Variants in SREK1IP1 observed in about 807,000 individuals in gnomAD.
SREK1IP1 encodes SREK1 interacting protein 1.
Under a neutral mutation model 22.8 loss-of-function variants are expected in SREK1IP1, and 12 were observed. That is an observed-to-expected ratio of 0.53 (90% CI 0.34 to 0.85). SREK1IP1 has a LOEUF of 0.85. Among genes scored for constraint, SREK1IP1 ranks in the 40% least tolerant of loss-of-function variants. The pLI, the probability that SREK1IP1 is intolerant of heterozygous loss-of-function variation, is 0.02. For missense variants in SREK1IP1, 147 were observed against 171.8 expected, an observed-to-expected ratio of 0.86 and a Z score of 0.81; for synonymous variants, 53 against 52.7, an observed-to-expected ratio of 1.01 and a Z score of -0.02.
chr5:64,764,193 T>C (rs900552064), intron 1 of SREK1IP1, among the ~76,000 whole-genome samples: 44 of 152,324 alleles, frequency 2.9e-4, no homozygotes, highest in African/African-American at 9.6e-4. Context: ...CGAGTCTGTG[T>C]TGGGCTGCAT....
At chr5:64,736,715 G>T (rs939052896) in intron 3 of SREK1IP1, among the ~76,000 whole-genome samples, 7 of 151,792 alleles carry the variant, frequency 4.6e-5, no homozygotes, top group Admixed American at 6.6e-5. Context: ...CGCCTACCTC[G>T]GCCTCCCAAA....
At chr5:64,750,296 G>C (rs1742719263) in intron 2 of SREK1IP1, among the ~76,000 whole-genome samples, 2 of 152,022 alleles carry the variant, frequency 1.3e-5, no homozygotes, top group South Asian at 4.1e-4. Flanking sequence ...ATCTGTTTTT[G>C]ATTCTCATTA....
rs1176251683 is a variant in SREK1IP1 at position 64,719,544 on chromosome 5, A to C, written c.*4840T>G. On this transcript the variant is annotated 3_prime_UTR_variant, in exon 5 of 5. Transcript: ENST00000513458. Reference sequence around the variant, plus strand: ...TTTGCTATCTTTACAGTAATTTAATAATATTACCATATTGTCTCAGGTGAA... The same window carrying C: ...TTTGCTATCTTTACAGTAATTTAATCATATTACCATATTGTCTCAGGTGAA... 1 of 152,182 alleles carries C rather than the reference A, an allele frequency of 6.6e-6. No homozygotes were observed. Among genetic ancestry groups the C allele is most frequent in the African/African-American group, 2.4e-5 (1 of 41,446 alleles). 9.4% of individuals were successfully genotyped at this position (152,182 alleles called of 1,614,324 possible). A position where few individuals can be genotyped will look rare whatever the true frequency, so the allele number is the denominator to read the frequency against.
Position 64,723,779 on chromosome 5 carries a change from T to C in SREK1IP1, c.*605A>G, listed in dbSNP as rs1057284689. 1.3e-5 allele frequency: 2 copies of C among 152,590 alleles called. No individual in the cohort carries two copies. The highest frequency in any genetic ancestry group is 4.8e-5 in the African/African-American group (2 of 41,454). The allele number at this position is 152,590 out of a possible 1,614,324, so 9.5% of individuals were successfully genotyped here. ...AAGAGTAAAACTTTGTTAGAGATAT[T>C]TTCATGATCATCTACCTGCAGACAC... On this transcript the variant is annotated 3_prime_UTR_variant, in exon 5 of 5. Transcript: ENST00000513458.
At position 64,733,405 on chromosome 5, in the gene SREK1IP1, T is replaced by G. The variant is rs562348023; in HGVS notation, c.206-5226A>C. Among the ~76,000 whole-genome samples, 20 of 152,246 alleles carry G rather than the reference T, an allele frequency of 1.3e-4. No individual in the cohort carries two copies. In the East Asian group the frequency reaches 3.7e-3, roughly 28 times the overall value. ...ACACACATATATGTATGTTCAGAAC[T>G]CAACATTCAACAGTAATGAAAAGAT... On this transcript the variant is annotated intron_variant, in intron 3 of 4. Transcript: ENST00000513458.
chr5:64,720,175 ATAGAAT>A lies in SREK1IP1; in HGVS notation c.*4203_*4208del, dbSNP rs1198888324. Reference sequence around the variant, plus strand: ...GGACCTAACAAATATTAAAATAGTGATAGAATTTAAGTCAGTCAAAAATAACCTAAA... The same window carrying A: ...GGACCTAACAAATATTAAAATAGTGATTAAGTCAGTCAAAAATAACCTAAA... On this transcript the variant is annotated 3_prime_UTR_variant, in exon 5 of 5. Transcript: ENST00000513458. 18 of 152,236 alleles carry A rather than the reference ATAGAAT, an allele frequency of 1.2e-4. No homozygotes were observed. Among genetic ancestry groups the A allele is most frequent in the African/African-American group, 4.1e-4 (17 of 41,460 alleles). The allele number at this position is 152,236 out of a possible 1,614,324, so 9.4% of individuals were successfully genotyped here. A position where few individuals can be genotyped will look rare whatever the true frequency, so the allele number is the denominator to read the frequency against.
chr5:64,730,873 T>C (rs1342374311), intron 3 of SREK1IP1, among the ~76,000 whole-genome samples: 1 of 152,144 alleles, frequency 6.6e-6, no homozygotes, highest in Non-Finnish European at 1.5e-5. Flanking sequence ...TATTTGGGGT[T>C]TTGCTAGATA....
intron 3 of SREK1IP1, among the ~76,000 whole-genome samples, chr5:64,732,575 T>C (rs955409751): frequency 2.6e-5 from 4 of 152,128 alleles, no homozygotes; most frequent in African/African-American, 9.7e-5. Flanking sequence ...TAAAGAGACA[T>C]ACCATGTTAA....
chr5:64,752,287 G>A (rs962196216), intron 2 of SREK1IP1, among the ~76,000 whole-genome samples: 20 of 151,680 alleles, frequency 1.3e-4, no homozygotes, highest in African/African-American at 4.8e-4. Context: ...AAGTAGCTGG[G>A]ACTACAGGCG....
At position 64,731,521 on chromosome 5, in the gene SREK1IP1, C is replaced by CAAAAAAAAAAAAAAAAAAAAAAAAAA. The variant is rs10599290; in HGVS notation, c.206-3343_206-3342insTTTTTTTTTTTTTTTTTTTTTTTTTT. On this transcript the variant is annotated intron_variant, in intron 3 of 4. Coordinates refer to ENST00000513458, the MANE Select transcript of SREK1IP1 (RefSeq NM_173829.4). ...TAGACAACAGAGTGGGCCCTTGTCTCAAAAAAAAAAAAAAAAAGAGGACAG... is the reference window on the plus strand; with the variant it reads ...TAGACAACAGAGTGGGCCCTTGTCTCAAAAAAAAAAAAAAAAAAAAAAAAAAAAAAAAAAAAAAAAAAAGAGGACAG... Among the ~76,000 whole-genome samples the CAAAAAAAAAAAAAAAAAAAAAAAAAA allele has an allele frequency of 5.6e-4, 42 of 74,656 alleles. 2 individuals carry two copies. Among genetic ancestry groups the CAAAAAAAAAAAAAAAAAAAAAAAAAA allele is most frequent in the African/African-American group, 1.6e-3 (39 of 24,626 alleles). The allele number at this position is 74,656 out of a possible 152,430, so 49.0% of individuals were successfully genotyped here.
intron 2 of SREK1IP1, among the ~76,000 whole-genome samples, chr5:64,751,848 C>CA (rs1236976489): frequency 6.6e-6 from 1 of 152,086 alleles, no homozygotes; most frequent in East Asian, 1.9e-4. Flanking sequence ...CACCAATAAA[C>CA]AGACATATAA....
In SREK1IP1 at chr5:64,719,474, T is replaced by C. The variant is rs1342734190; in HGVS notation, c.*4910A>G. The C allele has an allele frequency of 1.3e-5, 2 of 152,224 alleles. No individual in the cohort carries two copies. Among genetic ancestry groups the C allele is most frequent in the African/African-American group, 4.8e-5 (2 of 41,462 alleles). The allele number at this position is 152,224 out of a possible 1,614,324, so 9.4% of individuals were successfully genotyped here. A position where few individuals can be genotyped will look rare whatever the true frequency, so the allele number is the denominator to read the frequency against. The stretch of plus-strand genomic sequence containing the variant: ...AAGTTTATAAAGCTTTTATGGGTGC[T>C]TCTTGATCTTTGATACAACTTTGAT... On this transcript the variant is annotated 3_prime_UTR_variant, in exon 5 of 5. Coordinates refer to ENST00000513458, the MANE Select transcript of SREK1IP1 (RefSeq NM_173829.4).
rs1478837766 is a variant in SREK1IP1, at chr5:64,722,567, T to C, written c.*1817A>G. ...GCCTCGTTTTTAAAAAAGCTTTATA[T>C]TAAAAACCGATTTTTAAAATCTTGA... On this transcript the variant is annotated 3_prime_UTR_variant, in exon 5 of 5. Coordinates refer to ENST00000513458, the MANE Select transcript of SREK1IP1 (RefSeq NM_173829.4). 2.0e-5 allele frequency: 3 copies of C among 152,218 alleles called. No individual in the cohort carries two copies. The highest frequency in any genetic ancestry group is 4.4e-5 in the Non-Finnish European group (3 of 68,034). 9.4% of individuals were successfully genotyped at this position (152,218 alleles called of 1,614,324 possible). A position where few individuals can be genotyped will look rare whatever the true frequency, so the allele number is the denominator to read the frequency against.
chr5:64,747,489 A>G (rs1284023789), intron 2 of SREK1IP1, among the ~76,000 whole-genome samples: 2 of 150,690 alleles, frequency 1.3e-5, no homozygotes, highest in Admixed American at 6.6e-5. Context: ...AACCAGGGAC[A>G]ATGACCAAAT....
chr5:64,722,069 T>C lies in SREK1IP1; in HGVS notation c.*2315A>G, dbSNP rs1003749382. ...ATTTCATTAATTTTCTTCTAAAACA[T>C]ATTCATGAGATTTGCATCCAATCTC... is the stretch of plus-strand genomic sequence containing the variant. On this transcript the variant is annotated 3_prime_UTR_variant, in exon 5 of 5. Transcript: ENST00000513458. The C allele has an allele frequency of 1.3e-5, 2 of 152,186 alleles. No homozygotes were observed. The highest frequency in any genetic ancestry group is 2.4e-5 in the African/African-American group (1 of 41,450). The allele number at this position is 152,186 out of a possible 1,614,324, so 9.4% of individuals were successfully genotyped here.
At chr5:64,727,530 C>CATATATATATATATAT (rs370322604) in intron 4 of SREK1IP1, 2 of 117,480 alleles carry the variant, frequency 1.7e-5, no homozygotes, top group African/African-American at 8.0e-5. Context: ...CATATAATTA[C>CATATATATATATATAT]ATATATATAT....
intron 1 of SREK1IP1, among the ~76,000 whole-genome samples, chr5:64,759,494 G>A (rs1426678975): frequency 6.6e-6 from 1 of 151,968 alleles, no homozygotes; most frequent in Non-Finnish European, 1.5e-5. Context: ...CAATCCAAAA[G>A]GCATTATATA....
intron 1 of SREK1IP1, 105 bp from the exon 2 acceptor site, chr5:64,754,467 C>CTTTTT (rs113306461): frequency 8.7e-7 from 1 of 1,152,672 alleles, no homozygotes; most frequent in African/African-American, 1.7e-5. Flanking sequence ...TATAGAATTT[C>CTTTTT]TTTTTTTTTG....
chr5:64,737,229 T>A (rs143987853), intron 3 of SREK1IP1, among the ~76,000 whole-genome samples: 1 of 152,088 alleles, frequency 6.6e-6, no homozygotes, highest in African/African-American at 2.4e-5. Context: ...TGGAATCATA[T>A]TGAGTATCTT....
Sources: gnomAD v4.1 joint callset for allele counts (sites outside exome capture counted in the v4.1 genomes callset) on GRCh38, gnomAD v4.1.1 for gene constraint, MANE v1.5 for transcripts, NCBI Gene and HGNC (gene_info 2026-07-23, HGNC 2026-07-21) for gene names.